The following DKK1 variants were observed in gnomAD, a reference collection of about 807,000 sequenced individuals.
DKK1 encodes dickkopf Wnt signaling pathway inhibitor 1.
A neutral mutation model predicts 26.0 loss-of-function variants in DKK1; 18 were observed. That is an observed-to-expected ratio of 0.69 (90% CI 0.48 to 1.03). The LOEUF (loss-of-function observed/expected upper bound fraction) is 1.03. Among genes scored for constraint, DKK1 ranks in the 50% least tolerant of loss-of-function variants. The pLI is 0.00. For missense variants in DKK1, 335 were observed against 348.5 expected (o/e 0.96, Z 0.31); for synonymous variants, 130 against 132.6 (o/e 0.98, Z 0.13).
rs894869057 is a variant in DKK1 at position 52,316,187 on chromosome 10, CA to C, written c.407-106del. On this transcript the variant is annotated intron_variant, in intron 2 of 3. Transcript: ENST00000373970. ...GCTTGTGTTTAAAATGATGTCACTG[CA>C]ATGAAGTATCTCAAGTTGATGCTGG... 7.4e-6 allele frequency: 10 copies of C among 1,352,442 alleles called. No individual in the cohort carries two copies. The African/African-American group carries it at 1.5e-4, about 20-fold the overall frequency. The allele number at this position is 1,352,442 out of a possible 1,614,324, so 83.8% of individuals were successfully genotyped here. A position where few individuals can be genotyped will look rare whatever the true frequency, so the allele number is the denominator to read the frequency against.
chr10:52,315,138 T>C (rs893444742), intron 2 of DKK1, 53 bp downstream of exon 2: 192 of 495,326 alleles, frequency 3.9e-4, no homozygotes, highest in Non-Finnish European at 4.6e-4. Flanking sequence ...TTTGAGCGTC[T>C]ATGAATTGGG....
chr10:52,316,105 A>G (rs1842614801), intron 2 of DKK1, among the ~76,000 whole-genome samples, 190 bp from the exon 3 acceptor site: 1 of 152,252 alleles, frequency 6.6e-6, no homozygotes, highest in Non-Finnish European at 1.5e-5. Context: ...TACAGTATAC[A>G]CATTGGTGCT....
rs1260143099 is a variant in DKK1 at position 52,316,788 on chromosome 10, A to T, written c.782A>T (p.His261Leu). 6.2e-6 allele frequency: 10 copies of T among 1,614,178 alleles called. No homozygotes were observed. Among genetic ancestry groups the T allele is most frequent in the Non-Finnish European group, 8.5e-6 (10 of 1,179,996 alleles). Residue 261 changes from histidine (H) to leucine (L), a missense_variant, in exon 4 of 4, where the codon CAC becomes CTC. Transcript: ENST00000373970. ...HHQASNSSRL[H>L]TCQRH ...CAAGCCAGTAATTCTTCTAGGCTTCACACTTGTCAGAGACACTAAACCAGC... is the reference window on the plus strand; with the variant it reads ...CAAGCCAGTAATTCTTCTAGGCTTCTCACTTGTCAGAGACACTAAACCAGC...
chr10:52,314,539 G>A lies in DKK1; in HGVS notation c.105G>A (p.Ser35=). The change falls in exon 1 of 4, where the codon TCG becomes TCA. Residue 35 remains serine (S), a synonymous_variant. Coordinates refer to ENST00000373970, the MANE Select transcript of DKK1 (RefSeq NM_012242.4). This position sits in a 1 kb window ranked among gnomAD's most constrained non-coding sequence, Gnocchi z 5.7. ...TGGGAGTGAGCGCCACCTTGAACTCGGTTCTCAATTCCAACGCTATCAAGA... is the reference window on the plus strand; with the variant it reads ...TGGGAGTGAGCGCCACCTTGAACTCAGTTCTCAATTCCAACGCTATCAAGA... ...PLLGVSATLN[S]VLNSNAIKNL... is the part of the protein sequence containing the mutation. 1 of 1,613,780 alleles carries A rather than the reference G, an allele frequency of 6.2e-7. No homozygotes were observed. Among genetic ancestry groups the A allele is most frequent in the Non-Finnish European group, 8.5e-7 (1 of 1,179,998 alleles).
chr10:52,316,199 T>A (rs1842615677), intron 2 of DKK1, 96 bp from the exon 3 acceptor site: 1 of 1,457,926 alleles, frequency 6.9e-7, no homozygotes, highest in Admixed American at 2.0e-5. Flanking sequence ...ATGAAGTATC[T>A]CAAGTTGATG....
Position 52,316,810 on chromosome 10 carries a change from C to T in DKK1, c.*3C>T, listed in dbSNP as rs749646034. On this transcript the variant is annotated 3_prime_UTR_variant, in exon 4 of 4. Transcript: ENST00000373970. ...TTCACACTTGTCAGAGACACTAAACCAGCTATCCAAATGCAGTGAACTCCT... is the reference window on the plus strand; with the variant it reads ...TTCACACTTGTCAGAGACACTAAACTAGCTATCCAAATGCAGTGAACTCCT... 2.5e-6 allele frequency: 4 copies of T among 1,613,518 alleles called. No individual in the cohort carries two copies. In the Admixed American group the frequency reaches 5.0e-5, roughly 20 times the overall value.
Position 52,314,854 on chromosome 10 carries a change from G to A in DKK1, c.244-69G>A. The A allele has an allele frequency of 1.4e-6, 2 of 1,459,402 alleles. No homozygotes were observed. Among genetic ancestry groups the A allele is most frequent in the Middle Eastern group, 2.0e-4 (1 of 5,088 alleles). 90.4% of individuals were successfully genotyped at this position (1,459,402 alleles called of 1,614,324 possible). Reference sequence around the variant, plus strand: ...TGGACAGATAAGGACTGTGATCAGCGCCCGGGTCCAAGAGGGCGGGTACCT... The same window carrying A: ...TGGACAGATAAGGACTGTGATCAGCACCCGGGTCCAAGAGGGCGGGTACCT... On this transcript the variant is annotated intron_variant, in intron 1 of 3. Coordinates refer to ENST00000373970, the MANE Select transcript of DKK1 (RefSeq NM_012242.4). The surrounding 1 kb of genome is among the most constrained non-coding windows in gnomAD (Gnocchi z 5.7).
Position 52,317,139 on chromosome 10 carries a change from C to A in DKK1, c.*332C>A, listed in dbSNP as rs1220493646. On this transcript the variant is annotated 3_prime_UTR_variant, in exon 4 of 4. Transcript: ENST00000373970. Reference sequence around the variant, plus strand: ...ACACATTGATTGTTATCTTGACTGACAAATATTCTATATTGAACTGAAGTA... The same window carrying A: ...ACACATTGATTGTTATCTTGACTGAAAAATATTCTATATTGAACTGAAGTA... The A allele has an allele frequency of 3.9e-6, 1 of 259,352 alleles. No homozygotes were observed. Among genetic ancestry groups the A allele is most frequent in the Non-Finnish European group, 7.4e-6 (1 of 135,428 alleles). The allele number at this position is 259,352 out of a possible 1,614,324, so 16.1% of individuals were successfully genotyped here. A position where few individuals can be genotyped will look rare whatever the true frequency, so the allele number is the denominator to read the frequency against.
At position 52,314,905 on chromosome 10, in the gene DKK1, C is replaced by G; in HGVS notation, c.244-18C>G. On this transcript the variant is annotated intron_variant, in intron 1 of 3. Coordinates refer to ENST00000373970, the MANE Select transcript of DKK1 (RefSeq NM_012242.4). The surrounding 1 kb of genome is among the most constrained non-coding windows in gnomAD (Gnocchi z 5.7). ...GGACGTCTGGGTGCCTCACCCTCTCCCCGAACCCTTCCCACAGCCGTACCC... is the reference window on the plus strand; with the variant it reads ...GGACGTCTGGGTGCCTCACCCTCTCGCCGAACCCTTCCCACAGCCGTACCC... 1 of 1,493,738 alleles carries G rather than the reference C, an allele frequency of 6.7e-7. No homozygotes were observed. Among genetic ancestry groups the G allele is most frequent in the South Asian group, 1.3e-5 (1 of 74,872 alleles). The allele number at this position is 1,493,738 out of a possible 1,614,324, so 92.5% of individuals were successfully genotyped here.
In DKK1 at chr10:52,314,876, A is replaced by T; in HGVS notation, c.244-47A>T. The T allele has an allele frequency of 6.8e-7, 1 of 1,463,844 alleles. No homozygotes were observed. The highest frequency in any genetic ancestry group is 1.4e-5 in the African/African-American group (1 of 70,416). The allele number at this position is 1,463,844 out of a possible 1,614,324, so 90.7% of individuals were successfully genotyped here. A position where few individuals can be genotyped will look rare whatever the true frequency, so the allele number is the denominator to read the frequency against. On this transcript the variant is annotated intron_variant, in intron 1 of 3. Transcript: ENST00000373970. The surrounding 1 kb of genome is among the most constrained non-coding windows in gnomAD (Gnocchi z 5.7). ...AGCGCCCGGGTCCAAGAGGGCGGGT[A>T]CCTGGACGTCTGGGTGCCTCACCCT...
rs765372786 is a variant in DKK1 at position 52,314,697 on chromosome 10, CAG to C, written c.243+23_243+24del. 2.2e-5 allele frequency: 36 copies of C among 1,609,864 alleles called. No individual in the cohort carries two copies. In the South Asian group the frequency reaches 4.0e-4, roughly 18 times the overall value. On this transcript the variant is annotated intron_variant, in intron 1 of 3. Coordinates refer to ENST00000373970, the MANE Select transcript of DKK1 (RefSeq NM_012242.4). This position sits in a 1 kb window ranked among gnomAD's most constrained non-coding sequence, Gnocchi z 5.7. ...TACCAGGTGAGAGGGGTCGGGCACT[CAG>C]AGGATGCTCTGACCTTGAAAGGGTC...
Position 52,317,166 on chromosome 10 carries a change from A to G in DKK1, c.*359A>G, listed in dbSNP as rs1447601331. 1 of 207,080 alleles carries G rather than the reference A, an allele frequency of 4.8e-6. No individual in the cohort carries two copies. The highest frequency in any genetic ancestry group is 2.4e-5 in the African/African-American group (1 of 42,474). The allele number at this position is 207,080 out of a possible 1,614,324, so 12.8% of individuals were successfully genotyped here. On this transcript the variant is annotated 3_prime_UTR_variant, in exon 4 of 4. Coordinates refer to ENST00000373970, the MANE Select transcript of DKK1 (RefSeq NM_012242.4). ...AATATTCTATATTGAACTGAAGTAA[A>G]TCATTTCAGCTTATAGTTCTTAAAA...
Position 52,316,746 on chromosome 10 carries a change from T to C in DKK1, c.740T>C (p.Ile247Thr). The change falls in exon 4 of 4, where the codon ATA becomes ACA. Residue 247 changes from isoleucine to threonine, a missense_variant. Ile to Thr is a moderately conservative substitution (Grantham distance 89). Transcript: ENST00000373970. ...TGTGGAGAAGGTCTGTCTTGCCGGA[T>C]ACAGAAAGATCACCATCAAGCCAGT... is the stretch of plus-strand genomic sequence containing the variant. ...CYCGEGLSCRIQKDHHQASNS... is the reference protein window; with the variant it reads ...CYCGEGLSCRTQKDHHQASNS... The C allele has an allele frequency of 6.2e-7, 1 of 1,614,164 alleles. No homozygotes were observed. Among genetic ancestry groups the C allele is most frequent in the Non-Finnish European group, 8.5e-7 (1 of 1,179,998 alleles).
Position 52,314,563 on chromosome 10 carries a change from G to A in DKK1, c.129G>A (p.Lys43=). The A allele has an allele frequency of 6.2e-7, 1 of 1,613,742 alleles. No individual in the cohort carries two copies. The highest frequency in any genetic ancestry group is 1.1e-5 in the South Asian group (1 of 91,084). Residue 43 remains lysine, a synonymous_variant, in exon 1 of 4, where the codon AAG becomes AAA. Coordinates refer to ENST00000373970, the MANE Select transcript of DKK1 (RefSeq NM_012242.4). The surrounding 1 kb of genome is among the most constrained non-coding windows in gnomAD (Gnocchi z 5.7). ...LNSVLNSNAI[K]NLPPPLGGAA... Reference sequence around the variant, plus strand: ...CGGTTCTCAATTCCAACGCTATCAAGAACCTGCCCCCACCGCTGGGCGGCG... The same window carrying A: ...CGGTTCTCAATTCCAACGCTATCAAAAACCTGCCCCCACCGCTGGGCGGCG...
chr10:52,314,805 G>T lies in DKK1; in HGVS notation c.244-118G>T. On this transcript the variant is annotated intron_variant, in intron 1 of 3. Transcript: ENST00000373970. This position sits in a 1 kb window ranked among gnomAD's most constrained non-coding sequence, Gnocchi z 5.7. ...TGGTAACCCTGCATTTGGGAGCAGT[G>T]GGCAGTAACAGGTTTTGGAGAGGTG... 1 of 1,493,748 alleles carries T rather than the reference G, an allele frequency of 6.7e-7. No homozygotes were observed. The highest frequency in any genetic ancestry group is 2.4e-5 in the East Asian group (1 of 41,742). 92.5% of individuals were successfully genotyped at this position (1,493,748 alleles called of 1,614,324 possible).
chr10:52,315,141 G>T, intron 2 of DKK1, 56 bp downstream of exon 2: 2 of 957,624 alleles, frequency 2.1e-6, no homozygotes, highest in East Asian at 3.3e-5. Context: ...GAGCGTCTAT[G>T]AATTGGGCGG....
Position 52,316,624 on chromosome 10 carries a change from G to T in DKK1, c.618G>T (p.Trp206Cys), listed in dbSNP as rs1255394630. The change falls in exon 4 of 4, where the codon TGG becomes TGT. Residue 206 changes from tryptophan to cysteine, a missense_variant. Trp to Cys is a radical substitution (Grantham distance 215). Transcript: ENST00000373970. The stretch of plus-strand genomic sequence containing the variant: ...GATTGTGTTGTGCTAGACACTTCTG[G>T]TCCAAGATCTGTAAACCTGTCCTGA... ...ASGLCCARHF[W>C]SKICKPVLKE... 1 of 1,614,042 alleles carries T rather than the reference G, an allele frequency of 6.2e-7. No individual in the cohort carries two copies. Among genetic ancestry groups the T allele is most frequent in the South Asian group, 1.1e-5 (1 of 91,080 alleles).
Position 52,316,554 on chromosome 10 carries a change from G to C in DKK1, c.548G>C (p.Gly183Ala), listed in dbSNP as rs1842619195. 1.2e-6 allele frequency: 2 copies of C among 1,613,778 alleles called. No individual in the cohort carries two copies. Among genetic ancestry groups the C allele is most frequent in the East Asian group, 2.2e-5 (1 of 44,876 alleles). Residue 183 changes from glycine to alanine, a missense_variant and splice_region_variant, in exon 4 of 4, where the codon GGA (glycine) becomes GCA (alanine). Gly to Ala is a moderately conservative substitution (Grantham distance 60). Transcript: ENST00000373970. ...TLSSKMYHTK[G>A]QEGSVCLRSS... ...TTTCCTACTGTCTTCTCCTTCGTAG[G>C]ACAAGAAGGTTCTGTTTGTCTCCGG...
Position 52,314,426 on chromosome 10 carries a change from C to T in DKK1, c.-9C>T, listed in dbSNP as rs774642217. 2.3e-5 allele frequency: 37 copies of T among 1,613,636 alleles called. 1 individual carries two copies. In the South Asian group the frequency reaches 4.1e-4, roughly 18 times the overall value. On this transcript the variant is annotated 5_prime_UTR_variant, in exon 1 of 4. Transcript: ENST00000373970. The surrounding 1 kb of genome is among the most constrained non-coding windows in gnomAD (Gnocchi z 5.7). ...TTCTCTTTCTTTCTCCCTCTTGAGTCCTTCTGAGATGATGGCTCTGGGCGC... is the reference window on the plus strand; with the variant it reads ...TTCTCTTTCTTTCTCCCTCTTGAGTTCTTCTGAGATGATGGCTCTGGGCGC...
Sources: allele counts gnomAD v4.1 joint callset (sites outside exome capture counted in the v4.1 genomes callset), GRCh38; gene constraint gnomAD v4.1.1; non-coding constraint Gnocchi (gnomAD v3.1); transcripts MANE v1.5; gene names NCBI Gene and HGNC (gene_info 2026-07-23, HGNC 2026-07-21).